RCAN2: variants seen among roughly 807,000 people sequenced by gnomAD.
RCAN2 encodes regulator of calcineurin 2, also known as calcipressin-2.
RCAN2 carries 9 observed loss-of-function variants against 23.6 expected under a neutral mutation model. The observed-to-expected ratio is 0.38, with a 90% CI of 0.23 to 0.67. The LOEUF (loss-of-function observed/expected upper bound fraction) is 0.67. Among genes scored for constraint, RCAN2 ranks in the 30% least tolerant of loss-of-function variants. The pLI is 0.51. For synonymous variants in RCAN2, 109 were observed against 115.7 expected, an observed-to-expected ratio of 0.94 and a Z score of 0.37; for missense variants, 273 against 302.3, an observed-to-expected ratio of 0.90 and a Z score of 0.72.
chr6:46,306,432 C>T (rs571045568), intron 2 of RCAN2, among the ~76,000 whole-genome samples: 6 of 152,154 alleles, frequency 3.9e-5, no homozygotes, highest in Non-Finnish European at 5.9e-5. Flanking sequence ...CATAAATGCA[C>T]GCTTTCCAAA....
chr6:46,484,359 T>C (rs1188534320), intron 1 of RCAN2, among the ~76,000 whole-genome samples: 4 of 152,206 alleles, frequency 2.6e-5, no homozygotes, highest in Admixed American at 2.0e-4. Flanking sequence ...TTATTCAAAA[T>C]GGTTTTCTCT....
At chr6:46,447,486 A>G (rs1767750063) in intron 2 of RCAN2, among the ~76,000 whole-genome samples, 1 of 151,958 alleles carries the variant, frequency 6.6e-6, no homozygotes. Flanking sequence ...TGCACATTAG[A>G]CCAAATAAAC....
At position 46,456,911 on chromosome 6, in the gene RCAN2, A is replaced by G. The variant is rs1384866255; in HGVS notation, c.66T>C (p.Asp22=). 6.4e-7 allele frequency: 1 copy of G among 1,550,668 alleles called. No individual in the cohort carries two copies. Among genetic ancestry groups the G allele is most frequent in the Non-Finnish European group, 8.7e-7 (1 of 1,147,046 alleles). Reference sequence around the variant, plus strand: ...TGCAGCACAGTAAGAAAAGTCCTCCATCTTCAGGGACGTGTCCCTGCTGCC... The same window carrying G: ...TGCAGCACAGTAAGAAAAGTCCTCCGTCTTCAGGGACGTGTCCCTGCTGCC... ...SPGQQGHVPE[D]GGLFLLCCID... Residue 22 remains aspartate, a synonymous_variant, in exon 2 of 5, where the codon GAT becomes GAC. Coordinates refer to ENST00000371374, the MANE Select transcript of RCAN2 (RefSeq NM_001251974.2).
intron 2 of RCAN2, among the ~76,000 whole-genome samples, chr6:46,251,848 A>G (rs1483631848): frequency 6.6e-6 from 1 of 152,168 alleles, no homozygotes; most frequent in Non-Finnish European, 1.5e-5. Flanking sequence ...TTGGCCGTTG[A>G]CGTGAAACTC....
chr6:46,357,728 T>G (rs1460500970), intron 2 of RCAN2, among the ~76,000 whole-genome samples: 1 of 152,184 alleles, frequency 6.6e-6, no homozygotes, highest in Non-Finnish European at 1.5e-5. Flanking sequence ...ATGTTGAAGC[T>G]GGGATGCTTT....
chr6:46,418,707 A>G (rs1262164954), intron 2 of RCAN2, among the ~76,000 whole-genome samples: 6 of 102,100 alleles, frequency 5.9e-5, no homozygotes, highest in African/African-American at 2.3e-4. Flanking sequence ...ATATATATAT[A>G]TATATATATA....
At chr6:46,288,331 C>T (rs750182330) in intron 2 of RCAN2, among the ~76,000 whole-genome samples, 4 of 152,188 alleles carry the variant, frequency 2.6e-5, no homozygotes, top group Non-Finnish European at 5.9e-5. Flanking sequence ...TTCTCTCATG[C>T]GGGATCCTTC....
intron 2 of RCAN2, among the ~76,000 whole-genome samples, chr6:46,380,831 T>C (rs115436110): frequency 0.022 from 3,373 of 152,310 alleles, 73 homozygotes; most frequent in South Asian, 0.12. Context: ...AAAAGATTGA[T>C]AGATAACTAT....
At chr6:46,257,706 T>C (rs1433547897) in intron 2 of RCAN2, among the ~76,000 whole-genome samples, 1 of 152,124 alleles carries the variant, frequency 6.6e-6, no homozygotes, top group Non-Finnish European at 1.5e-5. Flanking sequence ...ATGTAGGGAT[T>C]ACAATTCTAG....
upstream of RCAN2, among the ~76,000 whole-genome samples, chr6:46,491,555 G>T (rs1334599153): frequency 6.6e-6 from 1 of 152,018 alleles, no homozygotes; most frequent in Non-Finnish European, 1.5e-5. Context: ...GAAACCGAAA[G>T]CCCCTGTCTG....
intron 2 of RCAN2, among the ~76,000 whole-genome samples, chr6:46,415,659 G>A (rs1766692071): frequency 6.6e-6 from 1 of 151,936 alleles, no homozygotes; most frequent in African/African-American, 2.4e-5. Flanking sequence ...AGTTAGGAGA[G>A]GAACTAGTAC....
intron 1 of RCAN2, among the ~76,000 whole-genome samples, chr6:46,478,013 G>T (rs1336651723): frequency 6.6e-6 from 1 of 152,198 alleles, no homozygotes; most frequent in Non-Finnish European, 1.5e-5. Flanking sequence ...AGCTCTGCAT[G>T]AAAGATGAGC....
At chr6:46,343,802 A>T (rs1764405654) in intron 2 of RCAN2, among the ~76,000 whole-genome samples, 1 of 152,244 alleles carries the variant, frequency 6.6e-6, no homozygotes, top group African/African-American at 2.4e-5. Context: ...TTGTTTTTAA[A>T]TGTTTATAGC....
intron 4 of RCAN2, among the ~76,000 whole-genome samples, chr6:46,234,881 G>A (rs1344824845): frequency 3.3e-5 from 5 of 152,204 alleles, no homozygotes; most frequent in African/African-American, 1.2e-4. Context: ...GACTGGAGGA[G>A]GGAGTGAGGG....
chr6:46,395,841 G>A (rs901362467), intron 2 of RCAN2, among the ~76,000 whole-genome samples: 3 of 152,050 alleles, frequency 2.0e-5, no homozygotes, highest in East Asian at 1.9e-4. Flanking sequence ...TGGCCACTAC[G>A]TACCTCAAAG....
chr6:46,365,118 G>A (rs574541566), intron 2 of RCAN2, among the ~76,000 whole-genome samples: 2 of 151,994 alleles, frequency 1.3e-5, no homozygotes, highest in Non-Finnish European at 2.9e-5. Context: ...ATAATATAAA[G>A]TACATGATAA....
chr6:46,346,966 C>T (rs6921586), intron 2 of RCAN2, among the ~76,000 whole-genome samples: 64,044 of 151,890 alleles, frequency 0.42, 14,943 homozygotes, highest in East Asian at 0.6. Flanking sequence ...AGCTCCGCCT[C>T]CCAGGTTCAT....
chr6:46,352,361 G>T (rs910444447), intron 2 of RCAN2, among the ~76,000 whole-genome samples: 1 of 152,178 alleles, frequency 6.6e-6, no homozygotes, highest in African/African-American at 2.4e-5. Context: ...ATGATGATTT[G>T]TACCCAAATC....
At chr6:46,320,114 AAC>A (rs1582100800) in intron 2 of RCAN2, among the ~76,000 whole-genome samples, 4 of 152,248 alleles carry the variant, frequency 2.6e-5, no homozygotes. Context: ...TTACTGAGTG[AAC>A]ACAATGGTTT....
Sources: allele counts gnomAD v4.1 joint callset (sites outside exome capture counted in the v4.1 genomes callset), GRCh38; gene constraint gnomAD v4.1.1; transcripts MANE v1.5; gene names NCBI Gene and HGNC (gene_info 2026-07-23, HGNC 2026-07-21).